The following THSD4 variants were observed in gnomAD, a reference collection of about 807,000 sequenced individuals.
THSD4 encodes the protein thrombospondin type 1 domain containing 4.
THSD4 carries 69 observed loss-of-function variants against 119.0 expected under a neutral mutation model. That is an observed-to-expected ratio of 0.58 (90% CI 0.48 to 0.71). The LOEUF (loss-of-function observed/expected upper bound fraction) is 0.71. THSD4 is among the 30% of genes least tolerant of loss of function. The probability of loss-of-function intolerance (pLI) is 0.00; values close to 1 mark genes in which losing one functional copy is unlikely to be tolerated. For synonymous variants in THSD4, 524 were observed against 540.4 expected (o/e 0.97, Z 0.42); for missense variants, 1,393 against 1,391.1 (o/e 1.00, Z -0.02).
intron 8 of THSD4, among the ~76,000 whole-genome samples, chr15:71,681,969 G>A (rs2051791761): frequency 6.6e-6 from 1 of 152,302 alleles, no homozygotes; most frequent in Middle Eastern, 3.4e-3. Flanking sequence ...GTGCCTCAGA[G>A]AACAGTGAAA....
At chr15:71,377,100 G>A (rs1015767213) in intron 6 of THSD4, among the ~76,000 whole-genome samples, 5 of 152,228 alleles carry the variant, frequency 3.3e-5, no homozygotes, top group African/African-American at 1.2e-4. Flanking sequence ...GAATTCTGGA[G>A]ACACTCCCAG....
chr15:71,671,809 T>C (rs1217015372), intron 8 of THSD4, among the ~76,000 whole-genome samples: 3 of 152,240 alleles, frequency 2.0e-5, no homozygotes, highest in African/African-American at 4.8e-5. Flanking sequence ...TGTGGTGTTA[T>C]TTCTGAGGGC....
intron 6 of THSD4, among the ~76,000 whole-genome samples, chr15:71,392,383 C>G (rs2140470637): frequency 6.6e-6 from 1 of 152,300 alleles, no homozygotes; most frequent in African/African-American, 2.4e-5. Context: ...TAAGCCTTGT[C>G]ATACCGATTT....
At chr15:71,172,391 A>G (rs1192849546) in intron 3 of THSD4, among the ~76,000 whole-genome samples, 1 of 151,994 alleles carries the variant, frequency 6.6e-6, no homozygotes, top group Non-Finnish European at 1.5e-5. Context: ...AAGAAACTCA[A>G]TATTGTTAAG....
chr15:71,206,578 C>T (rs1400651062), intron 3 of THSD4, among the ~76,000 whole-genome samples: 2 of 152,132 alleles, frequency 1.3e-5, no homozygotes, highest in African/African-American at 4.8e-5. Flanking sequence ...GCATGTGACT[C>T]GTTTTCTATG....
At chr15:71,196,714 A>G (rs1365572196) in intron 3 of THSD4, among the ~76,000 whole-genome samples, 1 of 152,168 alleles carries the variant, frequency 6.6e-6, no homozygotes, top group Non-Finnish European at 1.5e-5. Flanking sequence ...TCTGGCTTAC[A>G]TTCTAGACAA....
At chr15:71,348,388 G>T (rs1388662639) in intron 6 of THSD4, 2 of 152,194 alleles carry the variant, frequency 1.3e-5, no homozygotes, top group Non-Finnish European at 2.9e-5. Flanking sequence ...ATGCCAACAG[G>T]CCCCGAATGT....
intron 7 of THSD4, among the ~76,000 whole-genome samples, chr15:71,607,734 A>G (rs1316094386): frequency 6.6e-6 from 1 of 152,126 alleles, no homozygotes; most frequent in Non-Finnish European, 1.5e-5. Context: ...GGGCATGTGG[A>G]AGGGCATGAG....
At chr15:71,560,765 A>G (rs2049099509) in intron 7 of THSD4, among the ~76,000 whole-genome samples, 1 of 152,188 alleles carries the variant, frequency 6.6e-6, no homozygotes, top group African/African-American at 2.4e-5. Context: ...GTGACTTCCT[A>G]AGTATGTTCC....
chr15:71,437,418 G>A (rs759236966), intron 7 of THSD4, among the ~76,000 whole-genome samples: 9 of 152,240 alleles, frequency 5.9e-5, no homozygotes, highest in African/African-American at 9.6e-5. Context: ...GACAGCTTGA[G>A]TCTTTCTTCC....
chr15:71,745,561 CAG>C (rs2053320071), intron 12 of THSD4, among the ~76,000 whole-genome samples: 1 of 152,134 alleles, frequency 6.6e-6, no homozygotes, highest in South Asian at 2.1e-4. Context: ...GAGCTGTTCA[CAG>C]AGAGAGGATA....
At chr15:71,322,830 G>T (rs913325226) in intron 6 of THSD4, among the ~76,000 whole-genome samples, 1 of 152,118 alleles carries the variant, frequency 6.6e-6, no homozygotes, top group Non-Finnish European at 1.5e-5. Flanking sequence ...AGGCATGGTG[G>T]CTCACACCTG....
At chr15:71,414,728 A>G (rs2046736164) in intron 7 of THSD4, among the ~76,000 whole-genome samples, 1 of 152,250 alleles carries the variant, frequency 6.6e-6, no homozygotes, top group Non-Finnish European at 1.5e-5. Context: ...TTACTAATTG[A>G]TGAAAAACAT....
At chr15:71,174,129 C>T (rs1028299899) in intron 3 of THSD4, among the ~76,000 whole-genome samples, 6 of 152,164 alleles carry the variant, frequency 3.9e-5, no homozygotes, top group Admixed American at 3.9e-4. Context: ...AAGACACTAT[C>T]GAGCAGAAAT....
At chr15:71,430,747 ACT>A (rs1394658899) in intron 7 of THSD4, among the ~76,000 whole-genome samples, 1 of 117,428 alleles carries the variant, frequency 8.5e-6, no homozygotes, top group Non-Finnish European at 1.6e-5. Flanking sequence ...GCAGAGCAAG[ACT>A]CTGTCTCAAG....
chr15:71,756,639 C>T (rs1019155556), intron 14 of THSD4, among the ~76,000 whole-genome samples: 2 of 152,074 alleles, frequency 1.3e-5, no homozygotes, highest in African/African-American at 2.4e-5. Flanking sequence ...CAAAAATTAG[C>T]TGGACATGGT....
chr15:71,119,751 C>T (rs2141351935), intron 1 of THSD4, among the ~76,000 whole-genome samples: 1 of 152,328 alleles, frequency 6.6e-6, no homozygotes, highest in Non-Finnish European at 1.5e-5. Context: ...GCTGGACAGG[C>T]AAAGCCAGCC....
Position 71,402,460 on chromosome 15 carries a change from T to C in THSD4, c.1016-9227T>C, listed in dbSNP as rs375773162. ...AGAGCACTGATCCTAAAGCAGAGATTTGTGCCCAGTGTTCCTTGGGGCACA... is the reference window on the plus strand; with the variant it reads ...AGAGCACTGATCCTAAAGCAGAGATCTGTGCCCAGTGTTCCTTGGGGCACA... On this transcript the variant is annotated intron_variant, in intron 6 of 17. Transcript: ENST00000261862. 3.5e-4 allele frequency among the ~76,000 whole-genome samples: 53 copies of C among 152,304 alleles called. 2 individuals are homozygous for C. The East Asian group carries it at 9.1e-3, about 26-fold the overall frequency.
intron 8 of THSD4, among the ~76,000 whole-genome samples, chr15:71,681,026 C>A (rs921298993): frequency 2.0e-5 from 3 of 149,608 alleles, no homozygotes; most frequent in Admixed American, 6.8e-5. Context: ...TCAAGCAATT[C>A]TCCTGTCCCA....
Sources: gnomAD v4.1 joint callset for allele counts (sites outside exome capture counted in the v4.1 genomes callset) on GRCh38, gnomAD v4.1.1 for gene constraint, MANE v1.5 for transcripts, NCBI Gene and HGNC (gene_info 2026-07-23, HGNC 2026-07-21) for gene names.